The following EPB41L5 variants were observed in gnomAD, a reference collection of about 807,000 sequenced individuals.
EPB41L5 encodes the protein band 4.1-like protein 5.
A neutral mutation model predicts 106.6 loss-of-function variants in EPB41L5; 55 were observed. The observed-to-expected ratio is 0.52, with a 90% confidence interval of 0.42 to 0.65. EPB41L5 has a LOEUF of 0.65. EPB41L5 is among the 30% of genes least tolerant of loss of function. The probability of loss-of-function intolerance (pLI) is 0.00; values close to 1 mark genes in which losing one functional copy is unlikely to be tolerated. For synonymous variants in EPB41L5, 297 were observed against 306.7 expected (o/e 0.97, Z 0.33); for missense variants, 871 against 882.1 (o/e 0.99, Z 0.16).
chr2:120,133,937 C>G (rs1685813063), intron 18 of EPB41L5, among the ~76,000 whole-genome samples: 1 of 151,904 alleles, frequency 6.6e-6, no homozygotes, highest in African/African-American at 2.4e-5. Context: ...AACAAAGCAC[C>G]AAGCAGAGTC....
At chr2:120,148,994 A>T (rs1361931632) in intron 20 of EPB41L5, among the ~76,000 whole-genome samples, 1 of 152,152 alleles carries the variant, frequency 6.6e-6, no homozygotes, top group African/African-American at 2.4e-5. Flanking sequence ...ATGTATGAGG[A>T]TTCCAATTTC....
chr2:120,130,279 C>G (rs1316724916), intron 17 of EPB41L5, among the ~76,000 whole-genome samples: 2 of 152,086 alleles, frequency 1.3e-5, no homozygotes, highest in East Asian at 3.9e-4. Flanking sequence ...TTCATATGAC[C>G]TAATCCATTC....
chr2:120,072,851 A>T (rs1051073077), intron 3 of EPB41L5, among the ~76,000 whole-genome samples: 26 of 152,058 alleles, frequency 1.7e-4, no homozygotes, highest in African/African-American at 6.3e-4. Context: ...TGATGGGTGC[A>T]GCAAACCACC....
At position 120,174,895 on chromosome 2, in the gene EPB41L5, C is replaced by G. The variant is rs780520264; in HGVS notation, c.2190C>G (p.Thr730=). Residue 730 remains threonine (T), a synonymous_variant, in exon 25 of 25, where the codon ACC becomes ACG. Transcript: ENST00000263713. The part of the protein sequence containing the change: ...EAVLKQKCLL[T]TEL ...TCCTGAAGCAGAAGTGTTTACTGACCACTGAGCTCTGAGGGCCTGTAGCTG... is the reference window on the plus strand; with the variant it reads ...TCCTGAAGCAGAAGTGTTTACTGACGACTGAGCTCTGAGGGCCTGTAGCTG... The G allele has an allele frequency of 6.2e-7, 1 of 1,614,086 alleles. No individual in the cohort carries two copies. The highest frequency in any genetic ancestry group is 8.5e-7 in the Non-Finnish European group (1 of 1,179,966).
chr2:120,077,493 G>A (rs576878760), intron 9 of EPB41L5, among the ~76,000 whole-genome samples, 177 bp downstream of exon 9: 1 of 152,144 alleles, frequency 6.6e-6, no homozygotes, highest in Non-Finnish European at 1.5e-5. Flanking sequence ...CTCACAGAAA[G>A]GTTCATTATA....
intron 18 of EPB41L5, among the ~76,000 whole-genome samples, chr2:120,141,729 T>C (rs569905936): frequency 6.6e-6 from 1 of 152,206 alleles, no homozygotes; most frequent in South Asian, 2.1e-4. Flanking sequence ...GCTAGATGAT[T>C]GCCACGTAGA....
chr2:120,056,739 C>T (rs13430708), intron 3 of EPB41L5, among the ~76,000 whole-genome samples: 86 of 151,766 alleles, frequency 5.7e-4, no homozygotes, highest in Non-Finnish European at 1.0e-3. Context: ...ACCATCCCCC[C>T]TCTTGTATTT....
intron 15 of EPB41L5, 31 bp downstream of exon 15, chr2:120,100,317 G>C: frequency 6.3e-7 from 1 of 1,598,708 alleles, no homozygotes; most frequent in East Asian, 2.2e-5. Flanking sequence ...TAAAACACTG[G>C]ATCACCCGTT....
intron 3 of EPB41L5, among the ~76,000 whole-genome samples, chr2:120,069,817 G>C (rs886132956): frequency 1.3e-5 from 2 of 152,122 alleles, no homozygotes; most frequent in African/African-American, 4.8e-5. Flanking sequence ...CAGCTAAGCA[G>C]TGTTTAGAGG....
At chr2:120,018,069 C>T (rs1158839345) in intron 1 of EPB41L5, among the ~76,000 whole-genome samples, 1 of 151,752 alleles carries the variant, frequency 6.6e-6, no homozygotes, top group Non-Finnish European at 1.5e-5. Flanking sequence ...TCATGCCATT[C>T]TCCTGCCTCA....
chr2:120,104,412 C>G, intron 16 of EPB41L5: 1 of 1,382,162 alleles, frequency 7.2e-7, no homozygotes, highest in South Asian at 1.8e-5. Context: ...GACAAGGAAT[C>G]AAGGAAGCCA....
intron 16 of EPB41L5, among the ~76,000 whole-genome samples, chr2:120,123,714 G>A (rs560492303): frequency 8.1e-6 from 1 of 124,150 alleles, no homozygotes; most frequent in East Asian, 2.8e-4. Flanking sequence ...CTAGAGTGTA[G>A]TGGCACAATC....
intron 2 of EPB41L5, among the ~76,000 whole-genome samples, chr2:120,034,390 G>A (rs564510766): frequency 1.3e-3 from 202 of 152,326 alleles, no homozygotes; most frequent in Non-Finnish European, 2.2e-3. Context: ...GATGGAATAT[G>A]AAATTGATTC....
At chr2:120,143,180 A>G in intron 19 of EPB41L5, 49 bp downstream of exon 19, 1 of 1,491,072 alleles carries the variant, frequency 6.7e-7, no homozygotes, top group South Asian at 1.4e-5. Flanking sequence ...TGAGCATGGG[A>G]TGTAGAGAGT....
At chr2:120,153,763 C>T (rs1284015417) in intron 20 of EPB41L5, among the ~76,000 whole-genome samples, 3 of 151,966 alleles carry the variant, frequency 2.0e-5, no homozygotes, top group Non-Finnish European at 2.9e-5. Context: ...TGTCTTTTGT[C>T]CTTTATCTTT....
rs1677761800 is a variant in EPB41L5 at position 120,019,263 on chromosome 2, C to T, written c.179C>T (p.Pro60Leu). Residue 60 changes from proline (P) to leucine (L), a missense_variant and splice_region_variant, in exon 2 of 25, where the codon CCA (proline) becomes CTA (leucine). Pro to Leu is a moderately conservative substitution (Grantham distance 98). Coordinates refer to ENST00000263713, the MANE Select transcript of EPB41L5 (RefSeq NM_020909.4). ...LDGTDVSVDL[P>L]KKAKGQELFD... ...GGTACTGATGTTAGTGTGGACTTGC[C>T]AGTAAGTAGGTCTTGCTGAGCTCCA... 6.2e-7 allele frequency: 1 copy of T among 1,605,712 alleles called. No individual in the cohort carries two copies. The highest frequency in any genetic ancestry group is 8.5e-7 in the Non-Finnish European group (1 of 1,177,258).
intron 16 of EPB41L5, among the ~76,000 whole-genome samples, chr2:120,119,891 A>G (rs1685132974): frequency 6.6e-6 from 1 of 152,206 alleles, no homozygotes; most frequent in South Asian, 2.1e-4. Context: ...TATAATTTAC[A>G]TAATAAATTA....
Position 120,075,750 on chromosome 2 carries a change from C to G in EPB41L5, c.502C>G (p.Gln168Glu), listed in dbSNP as rs747867800. 10 of 1,611,590 alleles carry G rather than the reference C, an allele frequency of 6.2e-6. No individual in the cohort carries two copies. The highest frequency in any genetic ancestry group is 8.5e-6 in the Non-Finnish European group (10 of 1,177,998). Residue 168 changes from glutamine (Q) to glutamate (E), a missense_variant, in exon 7 of 25, where the codon CAA (glutamine) becomes GAA (glutamate). Coordinates refer to ENST00000263713, the MANE Select transcript of EPB41L5 (RefSeq NM_020909.4). ...AGTGCAATTGGCAGCTTATAATCTGCAAGGTAAGCAATTCTTATGTTGACT... is the reference window on the plus strand; with the variant it reads ...AGTGCAATTGGCAGCTTATAATCTGGAAGGTAAGCAATTCTTATGTTGACT... ...TAVQLAAYNL[Q>E]AELGDYDLAE...
intron 16 of EPB41L5, among the ~76,000 whole-genome samples, chr2:120,110,671 C>A: frequency 6.9e-6 from 1 of 145,080 alleles, no homozygotes; most frequent in African/African-American, 2.6e-5. Context: ...AAGTCTCACT[C>A]TTGCCGAGGC....
Sources: gnomAD v4.1 joint callset for allele counts (sites outside exome capture counted in the v4.1 genomes callset) on GRCh38, gnomAD v4.1.1 for gene constraint, MANE v1.5 for transcripts, NCBI Gene and HGNC (gene_info 2026-07-23, HGNC 2026-07-21) for gene names.